ZNF718: variants seen among roughly 807,000 people sequenced by gnomAD.
The protein encoded by ZNF718 is zinc finger protein 718.
Under a neutral mutation model 2.6 loss-of-function variants are expected in ZNF718, and 3 were observed. The ratio of observed to expected loss-of-function variants is 1.16; its 90% CI spans 0.53 to 3.01. The LOEUF (loss-of-function observed/expected upper bound fraction) is 3.01, where lower values mean the gene tolerates loss of function less well. ZNF718 is among the 30% of genes most tolerant of loss of function. The pLI is 0.03. For missense variants in ZNF718, 468 were observed against 230.0 expected, an observed-to-expected ratio of 2.03 and a Z score of -6.69; for synonymous variants, 135 against 77.9, an observed-to-expected ratio of 1.73 and a Z score of -3.86.
intron 3 of ZNF718, chr4:142,141 G>A: frequency 2.1e-6 from 1 of 487,394 alleles, no homozygotes; most frequent in Non-Finnish European, 4.1e-6. Flanking sequence ...TGCAGCCATT[G>A]GAACCCTTGA....
At chr4:159,573 G>A (rs1716734219) in intron 3 of ZNF718, among the ~76,000 whole-genome samples, 1 of 151,914 alleles carries the variant, frequency 6.6e-6, no homozygotes, top group Non-Finnish European at 1.5e-5. Flanking sequence ...AGCATCTTCA[G>A]TTTTTACATC....
intron 1 of ZNF718, among the ~76,000 whole-genome samples, chr4:125,562 G>A (rs782672171): frequency 6.6e-6 from 1 of 152,220 alleles, no homozygotes; most frequent in Admixed American, 6.5e-5. Flanking sequence ...AGACATGGCC[G>A]AGTCTGGGTT....
chr4:144,957 A>G (rs1453870809), intron 3 of ZNF718, among the ~76,000 whole-genome samples: 7 of 151,128 alleles, frequency 4.6e-5, no homozygotes, highest in Admixed American at 6.6e-5. Flanking sequence ...TTTTTTTTCT[A>G]TATGTCTCTT....
chr4:164,466 A>T (rs1560125490), downstream of ZNF718, among the ~76,000 whole-genome samples: 1 of 152,060 alleles, frequency 6.6e-6, no homozygotes, highest in Non-Finnish European at 1.5e-5. Flanking sequence ...AATCTAATGG[A>T]TCATTGTTGA....
chr4:135,732 T>TTATATATATA (rs1303050207), intron 3 of ZNF718, among the ~76,000 whole-genome samples: 1,283 of 77,640 alleles, frequency 0.017, 125 homozygotes, highest in African/African-American at 0.031. Flanking sequence ...TACTCTAGAG[T>TTATATATATA]TATATATATG....
At chr4:170,462 C>T (rs1283238168) in intron 3 of ZNF718, among the ~76,000 whole-genome samples, 1 of 152,234 alleles carries the variant, frequency 6.6e-6, no homozygotes, top group Non-Finnish European at 1.5e-5. Flanking sequence ...TGGTTCCATT[C>T]TCCCTGTCAC....
chr4:137,761 T>G (rs1715634135), intron 3 of ZNF718, among the ~76,000 whole-genome samples: 1 of 145,440 alleles, frequency 6.9e-6, no homozygotes. Flanking sequence ...ACTTTTTTTT[T>G]TCTTACTCGG....
intron 3 of ZNF718, among the ~76,000 whole-genome samples, chr4:182,351 A>G (rs1553819932): frequency 6.6e-6 from 1 of 151,982 alleles, no homozygotes; most frequent in East Asian, 1.9e-4. Flanking sequence ...TTTTTGTTAT[A>G]GCCATTCTGA....
At chr4:170,481 A>C (rs1553817732) in intron 3 of ZNF718, among the ~76,000 whole-genome samples, 1 of 152,210 alleles carries the variant, frequency 6.6e-6, no homozygotes, top group Non-Finnish European at 1.5e-5. Context: ...ACTTTCAGGT[A>C]CACCAATCAG....
At chr4:159,029 T>C (rs1553814315) in intron 3 of ZNF718, among the ~76,000 whole-genome samples, 2 of 150,888 alleles carry the variant, frequency 1.3e-5, no homozygotes, top group African/African-American at 4.9e-5. Flanking sequence ...GCTATTCTTT[T>C]TTTCTTTTTT....
intron 3 of ZNF718, among the ~76,000 whole-genome samples, chr4:145,396 T>G (rs1716005169): frequency 6.6e-6 from 1 of 152,224 alleles, no homozygotes; most frequent in African/African-American, 2.4e-5. Context: ...ACTGCCATTT[T>G]TATTTTAATT....
intron 3 of ZNF718, among the ~76,000 whole-genome samples, chr4:152,924 T>C (rs1716390518): frequency 7.6e-6 from 1 of 131,742 alleles, no homozygotes; most frequent in South Asian, 2.6e-4. Context: ...ACATTTTTAG[T>C]TTTTTGTAGT....
intron 3 of ZNF718, among the ~76,000 whole-genome samples, chr4:171,504 T>C (rs1468548440): frequency 6.6e-6 from 1 of 152,126 alleles, no homozygotes; most frequent in Non-Finnish European, 1.5e-5. Context: ...AGTTCGAGTT[T>C]CCTGGCCGCT....
At chr4:140,215 A>G (rs1715754344) in intron 3 of ZNF718, among the ~76,000 whole-genome samples, 1 of 152,134 alleles carries the variant, frequency 6.6e-6, no homozygotes, top group Non-Finnish European at 1.5e-5. Flanking sequence ...TATAAAGCTT[A>G]TAGTGTGCTC....
At chr4:177,469 C>G (rs559899414) in intron 3 of ZNF718, among the ~76,000 whole-genome samples, 1 of 152,260 alleles carries the variant, frequency 6.6e-6, no homozygotes, top group East Asian at 1.9e-4. Context: ...AGGTCTAGTT[C>G]TCCTGGGGTG....
intron 3 of ZNF718, among the ~76,000 whole-genome samples, chr4:184,041 T>C (rs1239566113): frequency 6.6e-6 from 1 of 152,158 alleles, no homozygotes; most frequent in Non-Finnish European, 1.5e-5. Context: ...CTTCCAATAC[T>C]GTGTTGAATA....
At chr4:144,600 T>C (rs1715965646) in intron 3 of ZNF718, among the ~76,000 whole-genome samples, 1 of 152,212 alleles carries the variant, frequency 6.6e-6, no homozygotes, top group Non-Finnish European at 1.5e-5. Context: ...TTTTGGGTAG[T>C]ATGAAAATTT....
At chr4:144,105 A>G (rs1329296638) in intron 3 of ZNF718, among the ~76,000 whole-genome samples, 3 of 152,190 alleles carry the variant, frequency 2.0e-5, no homozygotes, top group South Asian at 2.1e-4. Context: ...GGCATACCCA[A>G]AGTAACCAAT....
At chr4:178,383 C>T (rs1290161372) in intron 3 of ZNF718, among the ~76,000 whole-genome samples, 1 of 152,094 alleles carries the variant, frequency 6.6e-6, no homozygotes, top group Non-Finnish European at 1.5e-5. Context: ...AGATAATTCT[C>T]TCACCTCAGC....
Sources: gnomAD v4.1 joint callset for allele counts (sites outside exome capture counted in the v4.1 genomes callset) on GRCh38, gnomAD v4.1.1 for gene constraint, MANE v1.5 for transcripts, NCBI Gene and HGNC (gene_info 2026-07-23, HGNC 2026-07-21) for gene names.